SCMH1: variants seen among roughly 807,000 people sequenced by gnomAD.
SCMH1 encodes polycomb protein SCMH1.
In SCMH1, 37 loss-of-function variants were observed where a neutral mutation model predicts 70.8. That is an observed-to-expected ratio of 0.52 (90% confidence interval 0.40 to 0.69). SCMH1 has a LOEUF of 0.69. Ranked by LOEUF, SCMH1 falls within the 30% of genes least tolerant of loss-of-function variation. The pLI is 0.00. For missense variants in SCMH1, 607 were observed against 827.3 expected, an observed-to-expected ratio of 0.73 and a Z score of 3.27; for synonymous variants, 292 against 307.4, an observed-to-expected ratio of 0.95 and a Z score of 0.52.
rs1663737142 is a variant in SCMH1, at chr1:41,092,138, G to A, written c.746-16687C>T. ...CTTCAAACAATACTACAAGGTTACA[G>A]TAACCAAAACAGCATGGTAGTGGTA... is the stretch of plus-strand genomic sequence containing the variant. On this transcript the variant is annotated intron_variant, in intron 8 of 14. Coordinates refer to ENST00000337495, the Ensembl canonical transcript of SCMH1. Among the ~76,000 whole-genome samples, 4 of 152,320 alleles carry A rather than the reference G, an allele frequency of 2.6e-5. No individual in the cohort carries two copies. The South Asian group carries it at 6.2e-4, about 24-fold the overall frequency.
At chr1:41,082,891 A>G (rs1343880296) in intron 8 of SCMH1, among the ~76,000 whole-genome samples, 1 of 152,244 alleles carries the variant, frequency 6.6e-6, no homozygotes, top group Non-Finnish European at 1.5e-5. Context: ...TTATCTCAAT[A>G]GATGCAGAAA....
chr1:41,037,106 G>C (rs1645411370), intron 13 of SCMH1, among the ~76,000 whole-genome samples: 1 of 152,216 alleles, frequency 6.6e-6, no homozygotes. Context: ...GTTAATGGAT[G>C]AATGAGTGAA....
intron 9 of SCMH1, among the ~76,000 whole-genome samples, chr1:41,074,519 T>A (rs1160378999): frequency 6.6e-6 from 1 of 152,022 alleles, no homozygotes. Flanking sequence ...GCAAAATATA[T>A]ATTTACATTC....
chr1:41,125,018 CAT>C (rs753027005), intron 6 of SCMH1, among the ~76,000 whole-genome samples: 9 of 152,252 alleles, frequency 5.9e-5, no homozygotes, highest in East Asian at 1.9e-4. Flanking sequence ...AATTTGATCA[CAT>C]GTTAAGAGGT....
At chr1:41,058,015 A>G (rs1363759143) in intron 10 of SCMH1, among the ~76,000 whole-genome samples, 1 of 151,174 alleles carries the variant, frequency 6.6e-6, no homozygotes, top group African/African-American at 2.4e-5. Flanking sequence ...CCAGCTACAC[A>G]GGAGGCTGAG....
At chr1:41,052,673 A>G (rs938167143) in intron 10 of SCMH1, among the ~76,000 whole-genome samples, 15 of 152,252 alleles carry the variant, frequency 9.9e-5, no homozygotes, top group Non-Finnish European at 1.9e-4. Flanking sequence ...AGGCACAAGA[A>G]CATGGGTGCT....
intron 12 of SCMH1, among the ~76,000 whole-genome samples, chr1:41,044,566 T>C (rs773653924): frequency 6.6e-5 from 10 of 151,934 alleles, no homozygotes; most frequent in Non-Finnish European, 1.2e-4. Context: ...GGGAAGCAAA[T>C]AGAAACTAGA....
chr1:41,241,551 G>C (rs1301501500), intron 1 of SCMH1, among the ~76,000 whole-genome samples: 3 of 152,144 alleles, frequency 2.0e-5, no homozygotes, highest in African/African-American at 7.2e-5. Context: ...CCCCGAACCG[G>C]GACCCGGCCA....
intron 2 of SCMH1, among the ~76,000 whole-genome samples, chr1:41,176,612 C>A (rs60683385): frequency 0.082 from 12,419 of 152,302 alleles, 653 homozygotes; most frequent in South Asian, 0.13. Flanking sequence ...TATCCCGCGC[C>A]TGGCTCGGAG....
At chr1:41,233,778 T>C (rs1203859715) in intron 1 of SCMH1, among the ~76,000 whole-genome samples, 1 of 152,188 alleles carries the variant, frequency 6.6e-6, no homozygotes, top group East Asian at 1.9e-4. Flanking sequence ...CTTACCGTTG[T>C]TCTCTTGGCA....
At chr1:41,224,096 G>A (rs1402957464) in intron 1 of SCMH1, among the ~76,000 whole-genome samples, 1 of 151,926 alleles carries the variant, frequency 6.6e-6, no homozygotes, top group Non-Finnish European at 1.5e-5. Context: ...CATCTGGATC[G>A]CCCCCTCTTT....
intron 6 of SCMH1, among the ~76,000 whole-genome samples, chr1:41,137,314 A>C (rs1197754354): frequency 6.6e-6 from 1 of 152,058 alleles, no homozygotes; most frequent in African/African-American, 2.4e-5. Flanking sequence ...TATGATGTTT[A>C]TTATCATCGT....
intron 1 of SCMH1, among the ~76,000 whole-genome samples, chr1:41,195,424 A>T (rs1224957463): frequency 1.3e-5 from 2 of 152,130 alleles, no homozygotes; most frequent in African/African-American, 2.4e-5. Flanking sequence ...TATGAAAATC[A>T]ATTAACATAA....
At chr1:41,205,093 G>A (rs888524440) in intron 1 of SCMH1, among the ~76,000 whole-genome samples, 1 of 152,140 alleles carries the variant, frequency 6.6e-6, no homozygotes, top group Non-Finnish European at 1.5e-5. Flanking sequence ...GGCTGAATAG[G>A]AACAGCTCCA....
At chr1:41,180,043 T>C (rs1261818237) in intron 2 of SCMH1, among the ~76,000 whole-genome samples, 3 of 152,332 alleles carry the variant, frequency 2.0e-5, no homozygotes, top group Non-Finnish European at 4.4e-5. Context: ...ATCCCTGGGA[T>C]GCAAGGCTGG....
chr1:41,216,781 C>A (rs1202494139), intron 1 of SCMH1, among the ~76,000 whole-genome samples: 1 of 152,166 alleles, frequency 6.6e-6, no homozygotes, highest in Non-Finnish European at 1.5e-5. Flanking sequence ...ACTATAGTAC[C>A]TCCAGGAAAC....
chr1:41,038,344 C>T (rs74071127), intron 12 of SCMH1, among the ~76,000 whole-genome samples: 65 of 152,346 alleles, frequency 4.3e-4, no homozygotes, highest in Middle Eastern at 3.4e-3. Flanking sequence ...TTCCTCATGA[C>T]TGGGTTCTAC....
At chr1:41,241,294 T>C (rs978344380) in intron 1 of SCMH1, among the ~76,000 whole-genome samples, 1 of 152,250 alleles carries the variant, frequency 6.6e-6, no homozygotes, top group Non-Finnish European at 1.5e-5. Context: ...ATCGGCTGGA[T>C]ACCACTTTCG....
intron 1 of SCMH1, among the ~76,000 whole-genome samples, chr1:41,203,995 C>G (rs1371622676): frequency 6.6e-5 from 10 of 152,186 alleles, no homozygotes; most frequent in Non-Finnish European, 8.8e-5. Context: ...GGGTTAGGGT[C>G]TCCCCGACCG....
Sources: allele counts gnomAD v4.1 joint callset (sites outside exome capture counted in the v4.1 genomes callset), GRCh38; gene constraint gnomAD v4.1.1; transcripts MANE v1.5; gene names NCBI Gene and HGNC (gene_info 2026-07-23, HGNC 2026-07-21).